Variants in ARFGEF1 observed in about 807,000 individuals in gnomAD.
ARFGEF1 encodes the protein ARF guanine nucleotide exchange factor 1.
ARFGEF1 carries 42 observed loss-of-function variants against 231.0 expected under a neutral mutation model. The ratio of observed to expected loss-of-function variants is 0.18; its 90% confidence interval spans 0.14 to 0.24. The LOEUF (loss-of-function observed/expected upper bound fraction) is 0.24, where lower values mean the gene tolerates loss of function less well. Among genes scored for constraint, ARFGEF1 ranks in the 10% least tolerant of loss-of-function variants. ARFGEF1 has a pLI of 1.00. For synonymous variants in ARFGEF1, 710 were observed against 732.3 expected, an observed-to-expected ratio of 0.97 and a Z score of 0.49; for missense variants, 1,345 against 2,192.0, an observed-to-expected ratio of 0.61 and a Z score of 7.72.
At chr8:67,290,211 A>G (rs1587234564) in intron 6 of ARFGEF1, among the ~76,000 whole-genome samples, 1 of 152,280 alleles carries the variant, frequency 6.6e-6, no homozygotes, top group South Asian at 2.1e-4. Context: ...TTCTAACTCT[A>G]TATTCTACAA....
chr8:67,330,944 T>C (rs1016261701), intron 1 of ARFGEF1, among the ~76,000 whole-genome samples: 3 of 152,114 alleles, frequency 2.0e-5, no homozygotes, highest in African/African-American at 7.2e-5. Context: ...TTTTATCTAA[T>C]GTATAAGAAG....
chr8:67,177,565 T>C, intron 5 of ARFGEF1: 1 of 663,068 alleles, frequency 1.5e-6, no homozygotes, highest in Non-Finnish European at 2.7e-6. Context: ...TGAAGTGTGA[T>C]AGTTGAAAAG....
intron 20 of ARFGEF1, among the ~76,000 whole-genome samples, chr8:67,239,333 AC>A (rs1017745090): frequency 7.3e-5 from 11 of 151,442 alleles, no homozygotes; most frequent in African/African-American, 2.4e-4. Context: ...TGCCTATTAA[AC>A]CTCCACTCCT....
At chr8:67,330,172 C>T (rs1019666534) in intron 1 of ARFGEF1, among the ~76,000 whole-genome samples, 2 of 151,850 alleles carry the variant, frequency 1.3e-5, no homozygotes, top group Admixed American at 1.3e-4. Context: ...CATAATTTTG[C>T]ATATTAATTA....
chr8:67,268,205 C>A (rs1249868394), intron 10 of ARFGEF1, among the ~76,000 whole-genome samples: 1 of 152,128 alleles, frequency 6.6e-6, no homozygotes, highest in Non-Finnish European at 1.5e-5. Context: ...GGATTAGGTA[C>A]CCCTGTAATG....
chr8:67,228,361 T>C, intron 23 of ARFGEF1, 97 bp from the exon 24 acceptor site: 2 of 1,177,592 alleles, frequency 1.7e-6, no homozygotes, highest in Non-Finnish European at 2.4e-6. Flanking sequence ...TTTTTATGTT[T>C]TAAGGGAACA....
chr8:67,314,812 A>C lies in ARFGEF1; in HGVS notation c.125-12346T>G, dbSNP rs114377207. ...GGCCTCCTGTCCTCCATGATCCCAA[A>C]ATCTTTGAGCCCAGGAGTTCAAAAG... On this transcript the variant is annotated intron_variant, in intron 1 of 38. Coordinates refer to ENST00000262215, the MANE Select transcript of ARFGEF1 (RefSeq NM_006421.5). 8.6e-3 allele frequency among the ~76,000 whole-genome samples: 1,315 copies of C among 152,244 alleles called. 16 individuals carry two copies. Among genetic ancestry groups the C allele is most frequent in the African/African-American group, 0.03 (1,241 of 41,540 alleles).
intron 5 of ARFGEF1, among the ~76,000 whole-genome samples, chr8:67,182,340 A>T (rs1669841377): frequency 6.6e-6 from 1 of 151,986 alleles, no homozygotes; most frequent in Non-Finnish European, 1.5e-5. Context: ...TGCTGTGAAT[A>T]ATATTCCATT....
chr8:67,177,565 T>G, intron 5 of ARFGEF1: 1 of 663,068 alleles, frequency 1.5e-6, no homozygotes, highest in Non-Finnish European at 2.7e-6. Context: ...TGAAGTGTGA[T>G]AGTTGAAAAG....
At chr8:67,328,390 A>G (rs1280062796) in intron 1 of ARFGEF1, among the ~76,000 whole-genome samples, 1 of 152,202 alleles carries the variant, frequency 6.6e-6, no homozygotes, top group Non-Finnish European at 1.5e-5. Context: ...GTCTTTTTAC[A>G]TCGAGTATTT....
intron 19 of ARFGEF1, among the ~76,000 whole-genome samples, chr8:67,246,704 A>C (rs2128882270): frequency 6.6e-6 from 1 of 150,420 alleles, no homozygotes. Flanking sequence ...AAGAACTAGA[A>C]AAGCAAGAGC....
At chr8:67,189,507 T>A (rs938075183) in intron 5 of ARFGEF1, among the ~76,000 whole-genome samples, 1 of 152,222 alleles carries the variant, frequency 6.6e-6, no homozygotes, top group Non-Finnish European at 1.5e-5. Context: ...GAAAGCCCCA[T>A]ATCTTATTCA....
At chr8:67,175,335 A>T, downstream of ARFGEF1, 1 of 1,613,696 alleles carries the variant, frequency 6.2e-7, no homozygotes, top group Non-Finnish European at 8.5e-7. Context: ...ATGTACCTGG[A>T]TCCTCCAAGA....
At chr8:67,238,986 ATTTTG>A (rs1002073884) in intron 20 of ARFGEF1, 93 bp from the exon 21 acceptor site, 6 of 883,204 alleles carry the variant, frequency 6.8e-6, no homozygotes, top group Middle Eastern at 2.5e-4. Context: ...GTTCAGTAAG[ATTTTG>A]TTTTTTTTTT....
At chr8:67,269,133 G>A (rs1390157984) in intron 10 of ARFGEF1, among the ~76,000 whole-genome samples, 1 of 152,106 alleles carries the variant, frequency 6.6e-6, no homozygotes, top group Non-Finnish European at 1.5e-5. Flanking sequence ...TGGAACAACA[G>A]CTATATCTTA....
chr8:67,242,327 G>A (rs1839956549), intron 19 of ARFGEF1, among the ~76,000 whole-genome samples: 1 of 152,192 alleles, frequency 6.6e-6, no homozygotes, highest in African/African-American at 2.4e-5. Flanking sequence ...AAAGGAGAGG[G>A]AAGAATAAAG....
intron 4 of ARFGEF1, among the ~76,000 whole-genome samples, chr8:67,298,917 C>G (rs1376281010): frequency 6.6e-6 from 1 of 152,102 alleles, no homozygotes; most frequent in East Asian, 1.9e-4. Context: ...AGGTGCCCAC[C>G]ATCATGCCCA....
At chr8:67,342,308 ATTG>A (rs1190401653) in intron 1 of ARFGEF1, among the ~76,000 whole-genome samples, 1 of 152,130 alleles carries the variant, frequency 6.6e-6, no homozygotes, top group Non-Finnish European at 1.5e-5. Context: ...GGTAGGAGGT[ATTG>A]TTTGGATTTT....
intron 37 of ARFGEF1, among the ~76,000 whole-genome samples, chr8:67,201,214 C>T (rs1271506635): frequency 6.6e-6 from 1 of 152,136 alleles, no homozygotes; most frequent in Non-Finnish European, 1.5e-5. Context: ...TTAAAAAGGC[C>T]TATAAATGAT....
Sources: gnomAD v4.1 joint callset for allele counts (sites outside exome capture counted in the v4.1 genomes callset) on GRCh38, gnomAD v4.1.1 for gene constraint, MANE v1.5 for transcripts, NCBI Gene and HGNC (gene_info 2026-07-23, HGNC 2026-07-21) for gene names.